The following SGCD variants were observed in gnomAD, a reference collection of about 807,000 sequenced individuals.
SGCD encodes sarcoglycan delta, also known as delta-sarcoglycan.
Under a neutral mutation model 36.6 loss-of-function variants are expected in SGCD, and 18 were observed. The ratio of observed to expected loss-of-function variants is 0.49; its 90% CI spans 0.34 to 0.73. SGCD has a LOEUF of 0.73. Among genes scored for constraint, SGCD ranks in the 30% least tolerant of loss-of-function variants. The pLI, the probability that SGCD is intolerant of heterozygous loss-of-function variation, is 0.01. For missense variants in SGCD, 387 were observed against 346.7 expected, an observed-to-expected ratio of 1.12 and a Z score of -0.92; for synonymous variants, 133 against 130.6, an observed-to-expected ratio of 1.02 and a Z score of -0.12.
intron 4 of SGCD, 139 bp from the exon 5 acceptor site, chr5:156,589,092 A>G (rs915418999): frequency 3.2e-6 from 2 of 615,638 alleles, no homozygotes; most frequent in Admixed American, 5.7e-5. Flanking sequence ...GGATCTTTAA[A>G]CATTTGGAGT....
chr5:155,964,482 G>A (rs1757863417), intron 1 of SGCD, among the ~76,000 whole-genome samples: 1 of 151,926 alleles, frequency 6.6e-6, no homozygotes, highest in South Asian at 2.1e-4. Flanking sequence ...GGGATTACAG[G>A]CACCCACCAC....
chr5:156,251,378 CA>C (rs1472600940), intron 3 of SGCD, among the ~76,000 whole-genome samples: 1 of 152,152 alleles, frequency 6.6e-6, no homozygotes, highest in African/African-American at 2.4e-5. Context: ...CCCTCTAAAG[CA>C]ACTACTGTTA....
intron 3 of SGCD, among the ~76,000 whole-genome samples, chr5:156,402,795 C>T (rs56709418): frequency 0.18 from 27,212 of 152,088 alleles, 2,625 homozygotes; most frequent in African/African-American, 0.24. Context: ...TCTACTTGGA[C>T]GAGCTTGACT....
intron 3 of SGCD, among the ~76,000 whole-genome samples, chr5:156,240,392 A>C (rs922247894): frequency 2.0e-5 from 3 of 152,158 alleles, no homozygotes; most frequent in Admixed American, 1.3e-4. Flanking sequence ...AATGCTAACA[A>C]AATAGAAAAG....
chr5:155,869,997 T>TCAA (rs34754949), upstream of SGCD, among the ~76,000 whole-genome samples: 2,944 of 151,054 alleles, frequency 0.019, 113 homozygotes, highest in African/African-American at 0.066. Context: ...AGACTCCGTC[T>TCAA]CAACAACAAC....
At chr5:155,958,674 T>C (rs1757718179) in intron 1 of SGCD, among the ~76,000 whole-genome samples, 1 of 152,074 alleles carries the variant, frequency 6.6e-6, no homozygotes. Flanking sequence ...AGTATTTGAG[T>C]CCTAGTTTAA....
chr5:155,906,311 G>A (rs1756511104), intron 1 of SGCD, among the ~76,000 whole-genome samples: 1 of 151,888 alleles, frequency 6.6e-6, no homozygotes, highest in African/African-American at 2.4e-5. Flanking sequence ...CTCACACTAG[G>A]CCAATTAATA....
At chr5:156,566,202 T>C (rs1254013457) in intron 4 of SGCD, among the ~76,000 whole-genome samples, 1 of 152,156 alleles carries the variant, frequency 6.6e-6, no homozygotes. Flanking sequence ...GGAGAGGATG[T>C]GGAGAAATAG....
At chr5:156,252,525 T>C (rs991144410) in intron 3 of SGCD, among the ~76,000 whole-genome samples, 1 of 152,208 alleles carries the variant, frequency 6.6e-6, no homozygotes, top group African/African-American at 2.4e-5. Context: ...TGTCAAGAGA[T>C]TCTGAGACTA....
chr5:156,543,776 C>A (rs1217173915), intron 4 of SGCD, among the ~76,000 whole-genome samples: 1 of 152,186 alleles, frequency 6.6e-6, no homozygotes, highest in African/African-American at 2.4e-5. Flanking sequence ...GTTTCAGAAA[C>A]CACATTTATG....
intron 1 of SGCD, among the ~76,000 whole-genome samples, chr5:156,073,708 A>C (rs1760667741): frequency 6.6e-6 from 1 of 152,218 alleles, no homozygotes; most frequent in Non-Finnish European, 1.5e-5. Flanking sequence ...CATGTTCTCT[A>C]CCCATGAAGA....
At chr5:156,695,666 C>A (rs1338024209) in intron 7 of SGCD, among the ~76,000 whole-genome samples, 1 of 152,076 alleles carries the variant, frequency 6.6e-6, no homozygotes, top group African/African-American at 2.4e-5. Flanking sequence ...AGGCTCTACA[C>A]CAGAAATTGA....
chr5:156,191,404 ATCTG>A (rs1247825879), intron 3 of SGCD, among the ~76,000 whole-genome samples: 1 of 152,124 alleles, frequency 6.6e-6, no homozygotes, highest in Non-Finnish European at 1.5e-5. Flanking sequence ...AGGAGTGTCA[ATCTG>A]TTCATTCATT....
At chr5:155,828,506 C>T in the SGCD span, among the ~76,000 whole-genome samples, 1 of 152,228 alleles carries the variant, frequency 6.6e-6, no homozygotes, top group Admixed American at 6.5e-5. Context: ...CTAACAACAA[C>T]AACAGCAACA....
At chr5:156,585,972 A>C (rs1561796514) in intron 4 of SGCD, among the ~76,000 whole-genome samples, 1 of 152,092 alleles carries the variant, frequency 6.6e-6, no homozygotes, top group Non-Finnish European at 1.5e-5. Context: ...TTAACATCTA[A>C]TATTAGTAGG....
chr5:155,865,062 T>C, the SGCD span, among the ~76,000 whole-genome samples: 3 of 150,300 alleles, frequency 2.0e-5, no homozygotes, highest in Admixed American at 6.7e-5. Flanking sequence ...AGAACTTTTA[T>C]TTATGTGGGT....
At chr5:156,170,178 G>T (rs1324918545) in intron 3 of SGCD, among the ~76,000 whole-genome samples, 1 of 152,088 alleles carries the variant, frequency 6.6e-6, no homozygotes, top group Non-Finnish European at 1.5e-5. Context: ...GACCCTGAGA[G>T]GTAATCTACA....
intron 3 of SGCD, among the ~76,000 whole-genome samples, chr5:156,469,847 A>G (rs1754877463): frequency 6.6e-6 from 1 of 152,206 alleles, no homozygotes; most frequent in African/African-American, 2.4e-5. Context: ...TATGAGAAGA[A>G]ATGCTATGAG....
chr5:156,555,450 G>A (rs182540264), intron 4 of SGCD, among the ~76,000 whole-genome samples: 21 of 152,146 alleles, frequency 1.4e-4, no homozygotes, highest in South Asian at 8.3e-4. Flanking sequence ...CTATTCTGTC[G>A]TCCCAGCATC....
Sources: allele counts gnomAD v4.1 joint callset (sites outside exome capture counted in the v4.1 genomes callset), GRCh38; gene constraint gnomAD v4.1.1; transcripts MANE v1.5; gene names NCBI Gene and HGNC (gene_info 2026-07-23, HGNC 2026-07-21).